Variants in PREPL observed in about 807,000 individuals in gnomAD.
PREPL encodes the protein prolyl endopeptidase like, also known as prolyl endopeptidase-like.
PREPL carries 77 observed loss-of-function variants against 70.6 expected under a neutral mutation model. The observed-to-expected ratio is 1.09, with a 90% CI of 0.91 to 1.32. The LOEUF is 1.32. Among genes scored for constraint, PREPL ranks in the 40% most tolerant of loss-of-function variants. The pLI is 0.00. For synonymous variants in PREPL, 315 were observed against 264.8 expected, an observed-to-expected ratio of 1.19 and a Z score of -1.84; for missense variants, 1,002 against 778.2, an observed-to-expected ratio of 1.29 and a Z score of -3.42.
rs531330382 is a variant in PREPL at position 44,322,645 on chromosome 2, T to C, written c.1753+86A>G. ...CTAAATCCTGGGCAGATGATTTGGCTACAGCCTGAAATATATTCCTCTGAG... is the reference window on the plus strand; with the variant it reads ...CTAAATCCTGGGCAGATGATTTGGCCACAGCCTGAAATATATTCCTCTGAG... On this transcript the variant is annotated intron_variant, in intron 12 of 13. Coordinates refer to ENST00000409411, the MANE Select transcript of PREPL (RefSeq NM_001171613.2). 81 of 1,485,692 alleles carry C rather than the reference T, an allele frequency of 5.5e-5. 1 individual carries two copies. The South Asian group carries it at 9.7e-4, about 18-fold the overall frequency. 92.0% of individuals were successfully genotyped at this position (1,485,692 alleles called of 1,614,324 possible). A position where few individuals can be genotyped will look rare whatever the true frequency, so the allele number is the denominator to read the frequency against.
chr2:44,359,565 AC>A (rs1677437453), intron 1 of PREPL: 1 of 1,613,450 alleles, frequency 6.2e-7, no homozygotes, highest in Non-Finnish European at 8.5e-7. Flanking sequence ...TTCTGAAGAC[AC>A]TTGGTTAGGT....
In PREPL at chr2:44,320,469, G is replaced by A. The variant is rs1226053069; in HGVS notation, c.*887C>T. On this transcript the variant is annotated 3_prime_UTR_variant, in exon 14 of 14. Coordinates refer to ENST00000409411, the MANE Select transcript of PREPL (RefSeq NM_001171613.2). ...GTTAAGTACCAATTCTGCCGACAAA[G>A]GCAGTAAAGTTGATACAAGTGGCAT... 1.2e-6 allele frequency: 2 copies of A among 1,614,018 alleles called. No individual in the cohort carries two copies. Among genetic ancestry groups the A allele is most frequent in the Admixed American group, 1.7e-5 (1 of 60,000 alleles).
chr2:44,322,631 G>A, intron 12 of PREPL, 100 bp downstream of exon 12: 2 of 1,427,702 alleles, frequency 1.4e-6, no homozygotes, highest in South Asian at 2.8e-5. Context: ...TAAATCCTGG[G>A]CAGATGATTT....
At chr2:44,325,139 T>A (rs1673367988) in intron 10 of PREPL, among the ~76,000 whole-genome samples, 1 of 152,230 alleles carries the variant, frequency 6.6e-6, no homozygotes, top group Admixed American at 6.5e-5. Context: ...GTGGAGATAC[T>A]AAGTGCTAGA....
rs375731883 is a variant in PREPL at position 44,343,877 on chromosome 2, T to C, written c.217A>G (p.Arg73Gly). The change falls in exon 4 of 14, where the codon AGA (arginine) becomes GGA (glycine). Residue 73 changes from arginine (R) to glycine (G), a missense_variant. Transcript: ENST00000409411. ...ACATATTTTTCATCTGGAGCAACTC[T>C]GATACAATCAATGAAGGGCTGGTCT... The part of the protein sequence containing the change: ...KLDQPFIDCI[R>G]VAPDEKYVAA... 7.4e-6 allele frequency: 12 copies of C among 1,614,108 alleles called. No homozygotes were observed. The highest frequency in any genetic ancestry group is 1.0e-5 in the Non-Finnish European group (12 of 1,179,970).
Position 44,346,532 on chromosome 2 carries a change from G to T in PREPL, c.-48-142C>A, listed in dbSNP as rs698765. 516,207 of 730,390 alleles carry T rather than the reference G, an allele frequency of 0.71. 186,380 individuals are homozygous for T. The highest frequency in any genetic ancestry group is 0.8 in the South Asian group (43,881 of 55,162). 45.2% of individuals were successfully genotyped at this position (730,390 alleles called of 1,614,324 possible). A position where few individuals can be genotyped will look rare whatever the true frequency, so the allele number is the denominator to read the frequency against. On this transcript the variant is annotated intron_variant, in intron 1 of 13. Coordinates refer to ENST00000409411, the MANE Select transcript of PREPL (RefSeq NM_001171613.2). ...TTAAATAGTAGGTATTTCACAGATT[G>T]TAAATGTTCTTTCCTAGGCTCATCA...
chr2:44,325,614 G>C (rs1482511592), intron 10 of PREPL, among the ~76,000 whole-genome samples: 1 of 152,072 alleles, frequency 6.6e-6, no homozygotes, highest in Non-Finnish European at 1.5e-5. Context: ...ATTTCTAAAA[G>C]TCAAAATCTA....
chr2:44,338,608 C>T, intron 6 of PREPL, 72 bp from the exon 7 acceptor site: 1 of 1,250,974 alleles, frequency 8.0e-7, no homozygotes, highest in Non-Finnish European at 1.1e-6. Context: ...GATGCAATCA[C>T]TGAGAACTAG....
At position 44,318,925 on chromosome 2, in the gene PREPL, C is replaced by A. The variant is rs1483630305; in HGVS notation, c.*2431G>T. ...AGAAAATACTCAAATGCAAAATCAA[C>A]AAATCTGCAATTACAGAAAAAGACT... On this transcript the variant is annotated 3_prime_UTR_variant, in exon 14 of 14. Coordinates refer to ENST00000409411, the MANE Select transcript of PREPL (RefSeq NM_001171613.2). The A allele has an allele frequency of 6.6e-6, 1 of 152,094 alleles. No individual in the cohort carries two copies. The highest frequency in any genetic ancestry group is 2.4e-5 in the African/African-American group (1 of 41,416). 9.4% of individuals were successfully genotyped at this position (152,094 alleles called of 1,614,324 possible).
chr2:44,332,435 G>C, intron 8 of PREPL, 24 bp downstream of exon 8: 1 of 1,582,932 alleles, frequency 6.3e-7, no homozygotes, highest in Non-Finnish European at 8.7e-7. Flanking sequence ...AATGGGAGCT[G>C]AAAGTGAAGA....
intron 10 of PREPL, among the ~76,000 whole-genome samples, chr2:44,326,270 G>A (rs1298400800): frequency 1.3e-5 from 2 of 151,948 alleles, no homozygotes; most frequent in African/African-American, 4.8e-5. Context: ...GTTAATAGTT[G>A]GATTAAAATA....
At position 44,356,543 on chromosome 2, in the gene PREPL, TCAAACAAA is replaced by T. The variant is rs72565104; in HGVS notation, c.-49+4829_-49+4836del. ...CTGGGCAACAAAGCAAGACTCCGTCTCAAACAAACAAACAAACAAACAAACAACAGATG... is the reference window on the plus strand; with the variant it reads ...CTGGGCAACAAAGCAAGACTCCGTCTCAAACAAACAAACAAACAACAGATG... On this transcript the variant is annotated intron_variant, in intron 1 of 13. Coordinates refer to ENST00000409411, the MANE Select transcript of PREPL (RefSeq NM_001171613.2). Among the ~76,000 whole-genome samples, 689 of 150,492 alleles carry T rather than the reference TCAAACAAA, an allele frequency of 4.6e-3. 4 individuals carry two copies. The highest frequency in any genetic ancestry group is 0.015 in the African/African-American group (625 of 40,832).
At chr2:44,323,916 C>T (rs1364002388) in intron 10 of PREPL, among the ~76,000 whole-genome samples, 1 of 152,116 alleles carries the variant, frequency 6.6e-6, no homozygotes. Context: ...CCAGCAATTC[C>T]ACTCCTGGCA....
Position 44,329,130 on chromosome 2 carries a change from CTATG to C in PREPL, c.1087-22_1087-19del, listed in dbSNP as rs781594204. 2.6e-5 allele frequency: 41 copies of C among 1,558,668 alleles called. No homozygotes were observed. Among genetic ancestry groups the C allele is most frequent in the Middle Eastern group, 1.7e-4 (1 of 5,932 alleles). Reference sequence around the variant, plus strand: ...TTTCCATCCTAGAAATGAAGAATTACTATGTATGTAAAGAAGAGTCTTTTATAAT... The same window carrying C: ...TTTCCATCCTAGAAATGAAGAATTACTATGTAAAGAAGAGTCTTTTATAAT... On this transcript the variant is annotated intron_variant, in intron 8 of 13. Transcript: ENST00000409411.
rs779488471 is a variant in PREPL, at chr2:44,342,450, CGTTT to C, written c.448_451del (p.Lys150ValfsTer28). On this transcript the variant is annotated frameshift_variant, in exon 5 of 14. Coordinates refer to ENST00000409411, the MANE Select transcript of PREPL (RefSeq NM_001171613.2). LOFTEE classifies it high-confidence loss of function. ...TTTTTCTGTGTAAAAGCGTTCATTA[CGTTT>C]GTTATCACCAAAAGTGGCTCGATAT... The C allele has an allele frequency of 1.9e-6, 3 of 1,613,160 alleles. No homozygotes were observed. The highest frequency in any genetic ancestry group is 4.5e-5 in the East Asian group (2 of 44,832).
intron 10 of PREPL, among the ~76,000 whole-genome samples, chr2:44,324,310 C>T (rs531434508): frequency 2.6e-5 from 4 of 152,072 alleles, no homozygotes; most frequent in Non-Finnish European, 5.9e-5. Context: ...AGATGAAAAA[C>T]GAGTTCTGGA....
In PREPL at chr2:44,322,729, A is replaced by G. The variant is rs113913634; in HGVS notation, c.1753+2T>C. 62 of 1,612,638 alleles carry G rather than the reference A, an allele frequency of 3.8e-5. No homozygotes were observed. In the South Asian group the frequency reaches 6.4e-4, roughly 17 times the overall value. On this transcript the variant is annotated splice_donor_variant, in intron 12 of 13. Transcript: ENST00000409411. LOFTEE classifies it high-confidence loss of function. ...GTTCCCTGCTTCTAGGGGGTCTCCT[A>G]CCTTCACCTGTGTCCTTAGCATGCT...
intron 2 of PREPL, among the ~76,000 whole-genome samples, chr2:44,345,297 T>C (rs942083363): frequency 1.3e-5 from 2 of 152,322 alleles, no homozygotes; most frequent in Non-Finnish European, 2.9e-5. Flanking sequence ...CTACTATGTA[T>C]GTGATTTTCA....
rs1672857916 is a variant in PREPL at position 44,320,664 on chromosome 2, A to G, written c.*692T>C. 1.2e-5 allele frequency: 19 copies of G among 1,576,202 alleles called. No individual in the cohort carries two copies. The highest frequency in any genetic ancestry group is 1.7e-5 in the Non-Finnish European group (19 of 1,145,608). ...GGCACCTTTATGAAGAGATGAAGAC[A>G]CTGGCATTTCAGTGGGATTGTAAGC... is the stretch of plus-strand genomic sequence containing the variant. On this transcript the variant is annotated 3_prime_UTR_variant, in exon 14 of 14. Transcript: ENST00000409411.
Sources: gnomAD v4.1 joint callset for allele counts (sites outside exome capture counted in the v4.1 genomes callset) on GRCh38, gnomAD v4.1.1 for gene constraint, MANE v1.5 for transcripts, NCBI Gene and HGNC (gene_info 2026-07-23, HGNC 2026-07-21) for gene names.